CACNA2D3: variants seen among roughly 807,000 people sequenced by gnomAD.
The protein encoded by CACNA2D3 is voltage-dependent calcium channel subunit alpha-2/delta-3.
In CACNA2D3, 60 loss-of-function variants were observed where a neutral mutation model predicts 160.6. That is an observed-to-expected ratio of 0.37 (90% confidence interval 0.30 to 0.46). The LOEUF is 0.46. Among genes scored for constraint, CACNA2D3 ranks in the 20% least tolerant of loss-of-function variants. The pLI, the probability that CACNA2D3 is intolerant of heterozygous loss-of-function variation, is 1.00. For missense variants in CACNA2D3, 1,205 were observed against 1,365.0 expected (o/e 0.88, Z 1.85); for synonymous variants, 558 against 492.9 (o/e 1.13, Z -1.75).
chr3:54,500,874 A>T (rs188792278), intron 4 of CACNA2D3, among the ~76,000 whole-genome samples: 1 of 152,314 alleles, frequency 6.6e-6, no homozygotes, highest in Admixed American at 6.5e-5. Context: ...AATACCTGAG[A>T]CTTTATAAAT....
chr3:54,544,238 A>G (rs1021792201), intron 5 of CACNA2D3, among the ~76,000 whole-genome samples: 1 of 152,204 alleles, frequency 6.6e-6, no homozygotes, highest in Admixed American at 6.5e-5. Flanking sequence ...TTAATATTGA[A>G]TTAAATATCT....
intron 17 of CACNA2D3, among the ~76,000 whole-genome samples, chr3:54,871,182 GACAC>G (rs376258511): frequency 0.038 from 4,893 of 127,676 alleles, 121 homozygotes; most frequent in Non-Finnish European, 0.054. Flanking sequence ...TATAGGTGGA[GACAC>G]ACACACACAC....
At chr3:54,329,254 G>T (rs1454952834) in intron 3 of CACNA2D3, among the ~76,000 whole-genome samples, 2 of 151,960 alleles carry the variant, frequency 1.3e-5, no homozygotes, top group Non-Finnish European at 2.9e-5. Flanking sequence ...GTCCCAACTT[G>T]CCTTTACTGT....
At chr3:54,907,532 G>A (rs1700471275) in intron 27 of CACNA2D3, among the ~76,000 whole-genome samples, 1 of 152,100 alleles carries the variant, frequency 6.6e-6, no homozygotes, top group Non-Finnish European at 1.5e-5. Flanking sequence ...ATCATTAGCT[G>A]CTAAATTATT....
At chr3:54,335,844 A>G (rs1417172701) in intron 3 of CACNA2D3, among the ~76,000 whole-genome samples, 1 of 150,878 alleles carries the variant, frequency 6.6e-6, no homozygotes, top group Non-Finnish European at 1.5e-5. Flanking sequence ...CTCTACTAAA[A>G]TAACAAAAAA....
chr3:54,527,530 C>T lies in CACNA2D3; in HGVS notation c.544+23876C>T, dbSNP rs568160557. Among the ~76,000 whole-genome samples the T allele has an allele frequency of 8.5e-5, 13 of 152,198 alleles. No homozygotes were observed. In the South Asian group the frequency reaches 1.7e-3, roughly 19 times the overall value. On this transcript the variant is annotated intron_variant, in intron 5 of 37. Coordinates refer to ENST00000474759, the MANE Select transcript of CACNA2D3 (RefSeq NM_018398.3). ...CTTGCCTCTCCCAGTGTGGAGCGTT[C>T]GCCTTTCAAGTTTGGGCAAGAGCAA...
intron 13 of CACNA2D3, among the ~76,000 whole-genome samples, chr3:54,793,929 T>TA (rs1702812586): frequency 6.6e-6 from 1 of 152,170 alleles, no homozygotes; most frequent in Non-Finnish European, 1.5e-5. Context: ...TTAGATTTTT[T>TA]ATTTCTTAAT....
chr3:54,413,286 C>T (rs185675262), intron 4 of CACNA2D3, among the ~76,000 whole-genome samples: 2 of 151,154 alleles, frequency 1.3e-5, no homozygotes, highest in Admixed American at 1.3e-4. Flanking sequence ...TCTTTGTTCT[C>T]CTGTATTCAG....
At chr3:54,735,457 A>C (rs1252246020) in intron 11 of CACNA2D3, among the ~76,000 whole-genome samples, 1 of 152,240 alleles carries the variant, frequency 6.6e-6, no homozygotes, top group Non-Finnish European at 1.5e-5. Context: ...TTTGCACTGC[A>C]GACACACAGA....
At position 54,463,669 on chromosome 3, in the gene CACNA2D3, G is replaced by A. The variant is rs551734091; in HGVS notation, c.382-39823G>A. Among the ~76,000 whole-genome samples, 177 of 151,994 alleles carry A rather than the reference G, an allele frequency of 1.2e-3. 3 individuals carry two copies. The highest frequency in any genetic ancestry group is 2.3e-3 in the South Asian group (11 of 4,796). On this transcript the variant is annotated intron_variant, in intron 4 of 37. Coordinates refer to ENST00000474759, the MANE Select transcript of CACNA2D3 (RefSeq NM_018398.3). Reference sequence around the variant, plus strand: ...TATTGGTTATTCTAGTTATACATTCGTCTAAGTTTTTAATCAAAGTTTTTA... The same window carrying A: ...TATTGGTTATTCTAGTTATACATTCATCTAAGTTTTTAATCAAAGTTTTTA...
intron 3 of CACNA2D3, among the ~76,000 whole-genome samples, chr3:54,362,227 G>A (rs1698755404): frequency 6.6e-6 from 1 of 152,178 alleles, no homozygotes; most frequent in South Asian, 2.1e-4. Context: ...CGGCGAGGAC[G>A]AAGGTCTTGT....
chr3:54,462,564 T>G (rs1173088888), intron 4 of CACNA2D3, among the ~76,000 whole-genome samples: 1 of 152,178 alleles, frequency 6.6e-6, no homozygotes, highest in East Asian at 1.9e-4. Flanking sequence ...TTTGTTGGTT[T>G]AAAGTCTGTT....
chr3:54,775,433 T>TG (rs1472799157), intron 13 of CACNA2D3, among the ~76,000 whole-genome samples: 5 of 152,186 alleles, frequency 3.3e-5, no homozygotes, highest in African/African-American at 1.2e-4. Flanking sequence ...CGAAGCCCAG[T>TG]TGCTTGGCCA....
At chr3:54,349,017 T>C (rs938102453) in intron 3 of CACNA2D3, among the ~76,000 whole-genome samples, 1 of 152,170 alleles carries the variant, frequency 6.6e-6, no homozygotes, top group Non-Finnish European at 1.5e-5. Flanking sequence ...CATGAGCCAC[T>C]GCGCCCGTCC....
chr3:54,176,360 C>T (rs1047320800), intron 2 of CACNA2D3, among the ~76,000 whole-genome samples: 1 of 152,244 alleles, frequency 6.6e-6, no homozygotes, highest in Non-Finnish European at 1.5e-5. Flanking sequence ...AATGCCTTGA[C>T]TCATTCTGCC....
At chr3:54,391,554 A>G (rs1699282588) in intron 4 of CACNA2D3, among the ~76,000 whole-genome samples, 1 of 149,174 alleles carries the variant, frequency 6.7e-6, no homozygotes, top group Admixed American at 6.8e-5. Flanking sequence ...TCTGTCACCC[A>G]GACCGGAGTG....
chr3:54,972,412 T>C (rs1168886433), intron 29 of CACNA2D3, among the ~76,000 whole-genome samples: 1 of 152,228 alleles, frequency 6.6e-6, no homozygotes, highest in Non-Finnish European at 1.5e-5. Context: ...CCCTTTCCAT[T>C]GTTTCAGCAG....
At chr3:54,461,567 G>A (rs1700505037) in intron 4 of CACNA2D3, among the ~76,000 whole-genome samples, 1 of 151,594 alleles carries the variant, frequency 6.6e-6, no homozygotes, top group Non-Finnish European at 1.5e-5. Flanking sequence ...TTTGCATAGA[G>A]GTGTTTGTAG....
chr3:54,844,415 G>T (rs1698889065), intron 16 of CACNA2D3, among the ~76,000 whole-genome samples: 1 of 152,170 alleles, frequency 6.6e-6, no homozygotes, highest in Non-Finnish European at 1.5e-5. Flanking sequence ...CTTGGTTAAT[G>T]AATACAGGAC....
Sources: gnomAD v4.1 joint callset for allele counts (sites outside exome capture counted in the v4.1 genomes callset) on GRCh38, gnomAD v4.1.1 for gene constraint, MANE v1.5 for transcripts, NCBI Gene and HGNC (gene_info 2026-07-23, HGNC 2026-07-21) for gene names.